FLT3: variants seen among roughly 807,000 people sequenced by gnomAD.
The protein encoded by FLT3 is fms related receptor tyrosine kinase 3.
FLT3 carries 46 observed loss-of-function variants against 126.6 expected under a neutral mutation model. That is an observed-to-expected ratio of 0.36 (90% CI 0.29 to 0.46). FLT3 has a LOEUF of 0.46. FLT3 is among the 20% of genes least tolerant of loss of function. The pLI, the probability that FLT3 is intolerant of heterozygous loss-of-function variation, is 1.00. For synonymous variants in FLT3, 404 were observed against 434.4 expected, an observed-to-expected ratio of 0.93 and a Z score of 0.87; for missense variants, 1,069 against 1,190.3, an observed-to-expected ratio of 0.90 and a Z score of 1.50.
chr13:28,064,464 T>G (rs964647075), intron 2 of FLT3, among the ~76,000 whole-genome samples: 4 of 152,076 alleles, frequency 2.6e-5, no homozygotes, highest in African/African-American at 7.2e-5. Context: ...TCCCAGCTAC[T>G]TGGGAGGCTG....
intron 1 of FLT3, among the ~76,000 whole-genome samples, chr13:28,077,043 GA>G (rs1376295904): frequency 2.8e-5 from 4 of 144,208 alleles, no homozygotes; most frequent in East Asian, 4.1e-4. Flanking sequence ...GAGAGAGAGA[GA>G]GGAAGGAAGG....
At chr13:28,012,400 C>T (rs958865533) in intron 23 of FLT3, among the ~76,000 whole-genome samples, 2 of 152,090 alleles carry the variant, frequency 1.3e-5, no homozygotes, top group Non-Finnish European at 2.9e-5. Flanking sequence ...TCCATCCTGG[C>T]GACACGAGCT....
rs5802460 is a variant in FLT3, at chr13:28,026,352, G to GAA, written c.2207+734_2207+735dup. 2.8e-3 allele frequency among the ~76,000 whole-genome samples: 220 copies of GAA among 78,866 alleles called. 5 individuals carry two copies. The highest frequency in any genetic ancestry group is 9.5e-3 in the African/African-American group (198 of 20,924). The allele number at this position is 78,866 out of a possible 152,430, so 51.7% of individuals were successfully genotyped here. ...TAGGCAACAGAGCGAAACTCTGTCT[G>GAA]AAAAAAAAAAAAAAAAAAAAAAGAA... On this transcript the variant is annotated intron_variant, in intron 17 of 23. Transcript: ENST00000241453.
chr13:28,009,068 C>T (rs980963145), intron 23 of FLT3, among the ~76,000 whole-genome samples: 3 of 152,118 alleles, frequency 2.0e-5, no homozygotes, highest in African/African-American at 7.2e-5. Context: ...CCTCGACTTC[C>T]TGGGCTCAGG....
At chr13:28,090,683 T>G (rs1878976731) in intron 1 of FLT3, among the ~76,000 whole-genome samples, 1 of 151,866 alleles carries the variant, frequency 6.6e-6, no homozygotes, top group South Asian at 2.1e-4. Context: ...GAGGCTGAGG[T>G]GGGAGGATCA....
intron 9 of FLT3, among the ~76,000 whole-genome samples, chr13:28,047,522 G>C (rs555823799): frequency 6.6e-6 from 1 of 151,842 alleles, no homozygotes; most frequent in South Asian, 2.1e-4. Flanking sequence ...ACCAGCCTGC[G>C]CAACATGGCA....
At chr13:28,066,114 G>C (rs914865191) in intron 2 of FLT3, among the ~76,000 whole-genome samples, 2 of 152,160 alleles carry the variant, frequency 1.3e-5, no homozygotes, top group Non-Finnish European at 2.9e-5. Flanking sequence ...CCATAGTGAA[G>C]GGATGGGAAA....
At position 28,037,216 on chromosome 13, in the gene FLT3, T is replaced by C. The variant is rs56152292; in HGVS notation, c.1278A>G (p.Gln426=). ...TATTCAGCGTGAACATTTTGGTAAA[T>C]TGGGCATCATCATTTTCTGCATGGA... The part of the protein sequence containing the change: ...YIFHAENDDA[Q]FTKMFTLNIR... The change falls in exon 10 of 24, where the codon CAA becomes CAG. Residue 426 remains glutamine (Q), a synonymous_variant. Transcript: ENST00000241453. 2.2e-3 allele frequency: 3,584 copies of C among 1,607,616 alleles called. 9 individuals are homozygous for C. The highest frequency in any genetic ancestry group is 2.1e-3 in the Non-Finnish European group (2,499 of 1,174,212).
chr13:28,089,912 T>C (rs1223571875), intron 1 of FLT3, among the ~76,000 whole-genome samples: 28 of 151,390 alleles, frequency 1.8e-4, no homozygotes, highest in Admixed American at 1.3e-4. Context: ...GTTTTATATA[T>C]ATTTTTTTAG....
intron 1 of FLT3, among the ~76,000 whole-genome samples, chr13:28,081,538 T>C (rs1203144449): frequency 6.6e-6 from 1 of 152,216 alleles, no homozygotes; most frequent in Non-Finnish European, 1.5e-5. Flanking sequence ...GGTTATCATG[T>C]TGTCTGTAAA....
chr13:28,099,802 G>A (rs556246197), intron 1 of FLT3, among the ~76,000 whole-genome samples: 1 of 152,232 alleles, frequency 6.6e-6, no homozygotes, highest in South Asian at 2.1e-4. Flanking sequence ...AACCCCTTTG[G>A]GGTTTATGCC....
chr13:28,083,255 C>CA (rs1555262277), intron 1 of FLT3, among the ~76,000 whole-genome samples: 1 of 150,814 alleles, frequency 6.6e-6, no homozygotes, highest in Non-Finnish European at 1.5e-5. Context: ...TGGTTTTGTT[C>CA]TTTTTTTTTA....
chr13:28,087,830 T>C (rs1441079196), intron 1 of FLT3, among the ~76,000 whole-genome samples: 4 of 152,228 alleles, frequency 2.6e-5, no homozygotes, highest in Non-Finnish European at 5.9e-5. Context: ...TAATTGAGTT[T>C]TCATCCTTAG....
chr13:28,018,723 A>G, intron 19 of FLT3, 134 bp from the exon 20 acceptor site: 1 of 878,038 alleles, frequency 1.1e-6, no homozygotes, highest in South Asian at 1.7e-5. Flanking sequence ...CTGTGCCGTG[A>G]GCGGCCATGA....
In FLT3 at chr13:28,035,670, G is replaced by A; in HGVS notation, c.1422C>T (p.Cys474=). 1 of 1,600,640 alleles carries A rather than the reference G, an allele frequency of 6.2e-7. No homozygotes were observed. Among genetic ancestry groups the A allele is most frequent in the Non-Finnish European group, 8.5e-7 (1 of 1,176,866 alleles). The change falls in exon 12 of 24, where the codon TGC becomes TGT. Residue 474 remains cysteine (C), a synonymous_variant. Coordinates refer to ENST00000241453, the MANE Select transcript of FLT3 (RefSeq NM_004119.3). ...AGACTCCTTCTGTGATCTCTTCTGT[G>A]CAGCTGAAAAAAAAAATAGCAAAGA... ...WKKCSDKSPN[C]TEEITEGVWN... is the part of the protein sequence containing the mutation.
intron 9 of FLT3, among the ~76,000 whole-genome samples, chr13:28,037,798 C>T (rs970205833): frequency 1.3e-5 from 2 of 152,286 alleles, no homozygotes. Flanking sequence ...GGCAAGAGAG[C>T]TTTACCGCTT....
At chr13:28,008,230 G>A (rs138972326) in intron 23 of FLT3, among the ~76,000 whole-genome samples, 85 of 130,016 alleles carry the variant, frequency 6.5e-4, no homozygotes, top group African/African-American at 2.0e-3. Context: ...TGGGAGGATC[G>A]CTTGATTCCA....
At position 28,033,928 on chromosome 13, in the gene FLT3, T is replaced by C. The variant is rs1873587559; in HGVS notation, c.1901A>G (p.Lys634Arg). 1.2e-6 allele frequency: 2 copies of C among 1,614,106 alleles called. No individual in the cohort carries two copies. Among genetic ancestry groups the C allele is most frequent in the African/African-American group, 1.3e-5 (1 of 74,946 alleles). The change falls in exon 15 of 24, where the codon AAA (lysine) becomes AGA (arginine). Residue 634 changes from lysine to arginine, a missense_variant. Coordinates refer to ENST00000241453, the MANE Select transcript of FLT3 (RefSeq NM_004119.3). Reference sequence around the variant, plus strand: ...GGCAACCTGGATTGAGACTCCTGTTTTGCTAATTCCATAAGCTGTTGCGTT... The same window carrying C: ...GGCAACCTGGATTGAGACTCCTGTTCTGCTAATTCCATAAGCTGTTGCGTT... ...VMNATAYGIS[K>R]TGVSIQVAVK...
chr13:28,024,882 C>A lies in FLT3; in HGVS notation c.2269G>T (p.Gly757Trp). 6.2e-7 allele frequency: 1 copy of A among 1,608,540 alleles called. No individual in the cohort carries two copies. The highest frequency in any genetic ancestry group is 8.5e-7 in the Non-Finnish European group (1 of 1,176,254). The change falls in exon 18 of 24, where the codon GGG becomes TGG. Residue 757 changes from glycine to tryptophan, a missense_variant. By Grantham distance (184) the Gly-to-Trp change is radical. Transcript: ENST00000241453. ...PDSDQISGLH[G>W]NSFHSEDEIE... ...TTACCTTCAGAGTGAAATGAATTCCCATGAAGCCCTGAGATTTGATCCGAG... is the reference window on the plus strand; with the variant it reads ...TTACCTTCAGAGTGAAATGAATTCCAATGAAGCCCTGAGATTTGATCCGAG...
Sources: gnomAD v4.1 joint callset for allele counts (sites outside exome capture counted in the v4.1 genomes callset) on GRCh38, gnomAD v4.1.1 for gene constraint, MANE v1.5 for transcripts, NCBI Gene and HGNC (gene_info 2026-07-23, HGNC 2026-07-21) for gene names.